The following ZMAT4 variants were observed in gnomAD, a reference collection of about 807,000 sequenced individuals.
The protein encoded by ZMAT4 is zinc finger matrin-type 4.
In ZMAT4, 17 loss-of-function variants were observed where a neutral mutation model predicts 28.7. The observed-to-expected ratio is 0.59, with a 90% CI of 0.41 to 0.89. The LOEUF is 0.89. Among genes scored for constraint, ZMAT4 ranks in the 40% least tolerant of loss-of-function variants. ZMAT4 has a pLI of 0.00. For synonymous variants in ZMAT4, 117 were observed against 109.2 expected, an observed-to-expected ratio of 1.07 and a Z score of -0.44; for missense variants, 240 against 283.8, an observed-to-expected ratio of 0.85 and a Z score of 1.11.
chr8:40,849,069 G>GCCATC (rs1489233245), intron 1 of ZMAT4, among the ~76,000 whole-genome samples: 2 of 152,212 alleles, frequency 1.3e-5, no homozygotes, highest in Non-Finnish European at 2.9e-5. Flanking sequence ...CCCATCCCAT[G>GCCATC]CCATCCCATC....
intron 4 of ZMAT4, among the ~76,000 whole-genome samples, chr8:40,683,126 C>T (rs1320826821): frequency 6.6e-6 from 1 of 152,116 alleles, no homozygotes; most frequent in African/African-American, 2.4e-5. Flanking sequence ...ATAAACCCTT[C>T]CTGAATGAAG....
chr8:40,665,037 A>G (rs1808347471), intron 5 of ZMAT4, among the ~76,000 whole-genome samples: 1 of 152,164 alleles, frequency 6.6e-6, no homozygotes, highest in African/African-American at 2.4e-5. Flanking sequence ...CACAGCAGAA[A>G]TAATTCAAAA....
chr8:40,647,718 G>C (rs1164809846), intron 5 of ZMAT4, among the ~76,000 whole-genome samples: 1 of 152,200 alleles, frequency 6.6e-6, no homozygotes, highest in Non-Finnish European at 1.5e-5. Flanking sequence ...CCAGCACGCA[G>C]CTGGAGATCT....
chr8:40,814,817 G>C (rs1815466602), intron 2 of ZMAT4, among the ~76,000 whole-genome samples: 1 of 150,336 alleles, frequency 6.7e-6, no homozygotes, highest in Non-Finnish European at 1.5e-5. Context: ...TTTGAATTGT[G>C]AATTTGCTGC....
intron 5 of ZMAT4, among the ~76,000 whole-genome samples, chr8:40,656,587 A>C (rs2118839276): frequency 6.6e-6 from 1 of 152,312 alleles, no homozygotes; most frequent in African/African-American, 2.4e-5. Context: ...ATAATAAAAT[A>C]TCATTAAATA....
At chr8:40,576,169 T>C (rs1434642388) in intron 6 of ZMAT4, among the ~76,000 whole-genome samples, 2 of 150,864 alleles carry the variant, frequency 1.3e-5, no homozygotes, top group African/African-American at 2.4e-5. Flanking sequence ...TGAAAACATA[T>C]GGGAAACCAT....
chr8:40,647,875 G>A (rs1019713226), intron 5 of ZMAT4, among the ~76,000 whole-genome samples: 1 of 152,132 alleles, frequency 6.6e-6, no homozygotes, highest in African/African-American at 2.4e-5. Flanking sequence ...CTGTCTGTTA[G>A]AAGGAAAACT....
At chr8:40,610,643 G>A (rs914410182) in intron 5 of ZMAT4, among the ~76,000 whole-genome samples, 1 of 151,964 alleles carries the variant, frequency 6.6e-6, no homozygotes, top group South Asian at 2.1e-4. Flanking sequence ...ATTTAATTCG[G>A]TTATCTTCTC....
intron 3 of ZMAT4, among the ~76,000 whole-genome samples, chr8:40,711,045 A>G (rs139914030): frequency 2.6e-5 from 4 of 152,224 alleles, no homozygotes; most frequent in African/African-American, 7.2e-5. Context: ...TGGCCTCCCA[A>G]AGTACTGGGA....
intron 2 of ZMAT4, among the ~76,000 whole-genome samples, chr8:40,818,433 AGTATTATCTGT>A (rs1339633345): frequency 1.3e-5 from 2 of 152,244 alleles, no homozygotes; most frequent in Non-Finnish European, 1.5e-5. Context: ...TCATATCAGA[AGTATTATCTGT>A]GTAGTAAGTC....
rs566081622 is a variant in ZMAT4, at chr8:40,808,243, C to T, written c.102+17332G>A. Among the ~76,000 whole-genome samples the T allele has an allele frequency of 4.9e-5, 7 of 142,378 alleles. No individual in the cohort carries two copies. The East Asian group carries it at 1.2e-3, about 25-fold the overall frequency. 93.4% of individuals were successfully genotyped at this position (142,378 alleles called of 152,430 possible). On this transcript the variant is annotated intron_variant, in intron 2 of 6. Coordinates refer to ENST00000297737, the MANE Select transcript of ZMAT4 (RefSeq NM_024645.3). ...GATACACTATAATACTTTCCTTTCC[C>T]TTCATTTAAGAAAATAATTTTTTTT... is the stretch of plus-strand genomic sequence containing the variant.
At chr8:40,619,363 A>AACT (rs1478532201) in intron 5 of ZMAT4, among the ~76,000 whole-genome samples, 1 of 152,180 alleles carries the variant, frequency 6.6e-6, no homozygotes, top group African/African-American at 2.4e-5. Context: ...CATGTTTAAA[A>AACT]AATAATAATA....
At chr8:40,641,922 G>C (rs143580344) in intron 5 of ZMAT4, among the ~76,000 whole-genome samples, 13 of 151,958 alleles carry the variant, frequency 8.6e-5, no homozygotes, top group African/African-American at 3.1e-4. Flanking sequence ...GCGAGAATCC[G>C]TCTAAAATAA....
intron 1 of ZMAT4, among the ~76,000 whole-genome samples, chr8:40,859,202 C>T (rs367757152): frequency 3.3e-5 from 5 of 152,290 alleles, no homozygotes; most frequent in African/African-American, 1.2e-4. Context: ...TTCAAGGTGC[C>T]GTGATTCCCC....
intron 5 of ZMAT4, among the ~76,000 whole-genome samples, chr8:40,661,100 T>C (rs748421981): frequency 2.0e-5 from 3 of 152,032 alleles, no homozygotes; most frequent in Non-Finnish European, 4.4e-5. Context: ...TTGGAGTAAA[T>C]CTGGCTTTTT....
chr8:40,754,273 G>A (rs1298614614), intron 3 of ZMAT4, among the ~76,000 whole-genome samples: 1 of 152,158 alleles, frequency 6.6e-6, no homozygotes, highest in African/African-American at 2.4e-5. Flanking sequence ...GAGTACAGGA[G>A]GGGGCTACCA....
intron 1 of ZMAT4, among the ~76,000 whole-genome samples, chr8:40,838,563 T>A (rs886243220): frequency 1.3e-5 from 2 of 152,102 alleles, no homozygotes; most frequent in African/African-American, 4.8e-5. Flanking sequence ...CTGGGGGTGA[T>A]ACCCTTCTAA....
chr8:40,778,820 T>C (rs1586037347), intron 2 of ZMAT4, among the ~76,000 whole-genome samples: 2 of 152,296 alleles, frequency 1.3e-5, no homozygotes, highest in African/African-American at 4.8e-5. Context: ...ATTGATGGCA[T>C]GATGAAAGAA....
chr8:40,662,007 C>T (rs1808221144), intron 5 of ZMAT4, among the ~76,000 whole-genome samples: 3 of 152,134 alleles, frequency 2.0e-5, no homozygotes, highest in Admixed American at 6.5e-5. Flanking sequence ...GACAGAGTCT[C>T]ACTCTGTCAC....
Sources: gnomAD v4.1 joint callset for allele counts (sites outside exome capture counted in the v4.1 genomes callset) on GRCh38, gnomAD v4.1.1 for gene constraint, MANE v1.5 for transcripts, NCBI Gene and HGNC (gene_info 2026-07-23, HGNC 2026-07-21) for gene names.